The following SPAST variants were observed in gnomAD, a reference collection of about 807,000 sequenced individuals.
The protein encoded by SPAST is spastin.
Under a neutral mutation model 76.6 loss-of-function variants are expected in SPAST, and 30 were observed. The observed-to-expected ratio is 0.39, with a 90% confidence interval of 0.29 to 0.53. The LOEUF is 0.53. Among genes scored for constraint, SPAST ranks in the 20% least tolerant of loss-of-function variants. The probability of loss-of-function intolerance (pLI) is 0.68; values close to 1 mark genes in which losing one functional copy is unlikely to be tolerated. For synonymous variants in SPAST, 305 were observed against 281.0 expected (o/e 1.09, Z -0.86); for missense variants, 717 against 770.5 (o/e 0.93, Z 0.82).
chr2:32,115,910 G>C, intron 6 of SPAST, 75 bp downstream of exon 6: 1 of 1,207,518 alleles, frequency 8.3e-7, no homozygotes. Context: ...TGTCAGGAGT[G>C]AAATAGATAA....
chr2:32,142,828 C>G (rs1679764702), intron 13 of SPAST, among the ~76,000 whole-genome samples: 1 of 152,080 alleles, frequency 6.6e-6, no homozygotes, highest in Non-Finnish European at 1.5e-5. Flanking sequence ...GTGATGATTG[C>G]ACATCTATAA....
chr2:32,064,137 C>G lies in SPAST; in HGVS notation c.306C>G (p.Ala102=). ...SSGAAPAPAS[A]SAPAPVPGGE... ...GGGCCGCGCCAGCACCTGCCTCGGC[C>G]TCGGCCCCGGCGCCGGTGCCGGGCG... Residue 102 remains alanine (A), a synonymous_variant, in exon 1 of 17, where the codon GCC becomes GCG. Transcript: ENST00000315285. 6.4e-7 allele frequency: 1 copy of G among 1,571,710 alleles called. No individual in the cohort carries two copies.
intron 15 of SPAST, 41 bp from the exon 16 acceptor site, chr2:32,147,174 CAAA>C: frequency 6.8e-7 from 1 of 1,461,086 alleles, no homozygotes; most frequent in Non-Finnish European, 9.6e-7. Flanking sequence ...ATTTCAACTG[CAAA>C]ATGTATGTAT....
At chr2:32,122,739 A>T (rs983137987) in intron 7 of SPAST, among the ~76,000 whole-genome samples, 1 of 151,896 alleles carries the variant, frequency 6.6e-6, no homozygotes, top group African/African-American at 2.4e-5. Context: ...CAGGAGTTCG[A>T]CACCAGCCTG....
intron 2 of SPAST, 93 bp from the exon 3 acceptor site, chr2:32,089,429 G>T: frequency 1.4e-6 from 1 of 739,334 alleles, no homozygotes. Context: ...TATAAAGACT[G>T]TGACTCCCCA....
chr2:32,127,050 T>G, intron 8 of SPAST, 28 bp downstream of exon 8: 1 of 1,446,324 alleles, frequency 6.9e-7, no homozygotes, highest in Non-Finnish European at 9.7e-7. Flanking sequence ...ATTTGAGTTT[T>G]CTGTTGAGAT....
chr2:32,109,408 C>G (rs1235763364), intron 4 of SPAST, among the ~76,000 whole-genome samples: 2 of 152,074 alleles, frequency 1.3e-5, no homozygotes, highest in East Asian at 1.9e-4. Flanking sequence ...CACGCCTGGC[C>G]TTAATTTTTA....
intron 16 of SPAST, among the ~76,000 whole-genome samples, chr2:32,153,133 G>A (rs989737736): frequency 6.6e-5 from 10 of 152,004 alleles, no homozygotes; most frequent in East Asian, 1.9e-4. Flanking sequence ...ATATCTCATG[G>A]AGATATCAAA....
chr2:32,094,725 T>G (rs1473107676), intron 3 of SPAST, among the ~76,000 whole-genome samples: 1 of 152,230 alleles, frequency 6.6e-6, no homozygotes, highest in Non-Finnish European at 1.5e-5. Context: ...ATCCCAGCTC[T>G]TTGGGAGGCT....
At chr2:32,098,245 C>T (rs994898154) in intron 3 of SPAST, among the ~76,000 whole-genome samples, 11 of 152,118 alleles carry the variant, frequency 7.2e-5, no homozygotes, top group Non-Finnish European at 1.3e-4. Flanking sequence ...GCGGGAGGAT[C>T]GCTTAAGGCC....
rs1418411494 is a variant in SPAST at position 32,155,990 on chromosome 2, C to T, written c.*1494C>T. On this transcript the variant is annotated 3_prime_UTR_variant, in exon 17 of 17. Transcript: ENST00000315285. ...GACATACATTCTTCTTAATTTTACT[C>T]TTGCTCTTGTTAAAGATTTGTTTGA... 2 of 151,476 alleles carry T rather than the reference C, an allele frequency of 1.3e-5. No homozygotes were observed. Among genetic ancestry groups the T allele is most frequent in the African/African-American group, 4.9e-5 (2 of 41,170 alleles). 9.4% of individuals were successfully genotyped at this position (151,476 alleles called of 1,614,324 possible). A position where few individuals can be genotyped will look rare whatever the true frequency, so the allele number is the denominator to read the frequency against.
At position 32,141,564 on chromosome 2, in the gene SPAST, A is replaced by G. The variant is rs552663738; in HGVS notation, c.1494-340A>G. 2.0e-5 allele frequency among the ~76,000 whole-genome samples: 3 copies of G among 152,268 alleles called. No individual in the cohort carries two copies. The East Asian group carries it at 5.8e-4, about 29-fold the overall frequency. On this transcript the variant is annotated intron_variant, in intron 12 of 16. Transcript: ENST00000315285. ...TCCATAAATGTTACCTAGTTTGTTGATGAAGTGTATGTTTCTGTTTCTATT... is the reference window on the plus strand; with the variant it reads ...TCCATAAATGTTACCTAGTTTGTTGGTGAAGTGTATGTTTCTGTTTCTATT...
At chr2:32,067,547 C>CTT (rs2148689467) in intron 1 of SPAST, among the ~76,000 whole-genome samples, 1 of 152,224 alleles carries the variant, frequency 6.6e-6, no homozygotes, top group South Asian at 2.1e-4. Context: ...AGGCTGGTGA[C>CTT]TTAAATCTTT....
chr2:32,154,530 C>G lies in SPAST; in HGVS notation c.*34C>G. 1 of 1,608,940 alleles carries G rather than the reference C, an allele frequency of 6.2e-7. No homozygotes were observed. Among genetic ancestry groups the G allele is most frequent in the Non-Finnish European group, 8.5e-7 (1 of 1,175,710 alleles). ...CTTTGTAAACCTGCAGAACATTTTA[C>G]TTAAAAGAGGAAACACAAGATCTTC... On this transcript the variant is annotated 3_prime_UTR_variant, in exon 17 of 17. Transcript: ENST00000315285.
rs1428520359 is a variant in SPAST, at chr2:32,144,950, T to A, written c.1630T>A (p.Tyr544Asn). Residue 544 changes from tyrosine to asparagine, a missense_variant, in exon 15 of 17, where the codon TAC becomes AAC. Coordinates refer to ENST00000315285, the MANE Select transcript of SPAST (RefSeq NM_014946.4). The stretch of plus-strand genomic sequence containing the variant: ...TCCCTTCCTCAGAATGACTGATGGA[T>A]ACTCAGGAAGTGACCTAACAGCTTT... ...LAQLARMTDG[Y>N]SGSDLTALAK... The A allele has an allele frequency of 6.2e-7, 1 of 1,612,424 alleles. No individual in the cohort carries two copies.
chr2:32,109,422 A>G (rs1301584356), intron 4 of SPAST, among the ~76,000 whole-genome samples: 3 of 152,042 alleles, frequency 2.0e-5, no homozygotes, highest in Non-Finnish European at 4.4e-5. Flanking sequence ...ATTTTTAAAT[A>G]CTGTAAGGCT....
intron 1 of SPAST, chr2:32,066,046 T>C (rs1305199234): frequency 6.6e-6 from 1 of 151,432 alleles, no homozygotes. Flanking sequence ...TGATCTCAGC[T>C]TACTGCAACC....
chr2:32,089,500 T>C (rs781463954), intron 2 of SPAST, 22 bp from the exon 3 acceptor site: 14 of 1,335,614 alleles, frequency 1.0e-5, no homozygotes, highest in Non-Finnish European at 1.5e-5. Context: ...TGTAGATATT[T>C]TAATTAATTT....
intron 1 of SPAST, among the ~76,000 whole-genome samples, chr2:32,065,092 T>C (rs1676457042): frequency 1.3e-5 from 2 of 152,006 alleles, no homozygotes; most frequent in South Asian, 2.1e-4. Flanking sequence ...CAGTCTCGGC[T>C]CACTGCAACC....
Sources: gnomAD v4.1 joint callset for allele counts (sites outside exome capture counted in the v4.1 genomes callset) on GRCh38, gnomAD v4.1.1 for gene constraint, MANE v1.5 for transcripts, NCBI Gene and HGNC (gene_info 2026-07-23, HGNC 2026-07-21) for gene names.